FAM120A: variants seen among roughly 807,000 people sequenced by gnomAD.
FAM120A encodes the protein constitutive coactivator of PPAR-gamma-like protein 1.
Under a neutral mutation model 109.7 loss-of-function variants are expected in FAM120A, and 15 were observed. That is an observed-to-expected ratio of 0.14 (90% CI 0.09 to 0.21). The LOEUF (loss-of-function observed/expected upper bound fraction) is 0.21, where lower values mean the gene tolerates loss of function less well. Among genes scored for constraint, FAM120A ranks in the 10% least tolerant of loss-of-function variants. The pLI is 1.00. For synonymous variants in FAM120A, 493 were observed against 572.8 expected, an observed-to-expected ratio of 0.86 and a Z score of 1.99; for missense variants, 899 against 1,439.3, an observed-to-expected ratio of 0.62 and a Z score of 6.07.
At chr9:93,471,042 A>G (rs1166607713) in intron 1 of FAM120A, 99 bp from the exon 2 acceptor site, 3 of 1,422,428 alleles carry the variant, frequency 2.1e-6, no homozygotes, top group Non-Finnish European at 2.9e-6. Flanking sequence ...TAGTTTTCAT[A>G]AATGTGATTT....
At chr9:93,562,626 A>T (rs1445863990) in intron 17 of FAM120A, among the ~76,000 whole-genome samples, 1 of 150,790 alleles carries the variant, frequency 6.6e-6, no homozygotes, top group Non-Finnish European at 1.5e-5. Context: ...GAGCTGGAAC[A>T]GCCACTTGTA....
At chr9:93,514,172 A>G (rs1388368655) in intron 5 of FAM120A, among the ~76,000 whole-genome samples, 2 of 152,318 alleles carry the variant, frequency 1.3e-5, no homozygotes, top group African/African-American at 4.8e-5. Flanking sequence ...TGTCGAGTGA[A>G]GGGGGAAGAG....
At chr9:93,467,466 G>C (rs1413325149) in intron 1 of FAM120A, among the ~76,000 whole-genome samples, 1 of 152,110 alleles carries the variant, frequency 6.6e-6, no homozygotes, top group African/African-American at 2.4e-5. Context: ...TGTTGGGGAG[G>C]TTGTCCTGGC....
chr9:93,528,099 G>C (rs569218047), intron 8 of FAM120A, among the ~76,000 whole-genome samples: 2 of 152,168 alleles, frequency 1.3e-5, no homozygotes, highest in Non-Finnish European at 2.9e-5. Flanking sequence ...GTCTAAAGAA[G>C]TCATACTATT....
At chr9:93,469,247 A>G (rs887862819) in intron 1 of FAM120A, among the ~76,000 whole-genome samples, 11 of 152,162 alleles carry the variant, frequency 7.2e-5, no homozygotes, top group African/African-American at 2.7e-4. Flanking sequence ...CTCCCTGCTG[A>G]TGGAGGTGGG....
At chr9:93,553,562 G>A (rs947073639) in intron 12 of FAM120A, among the ~76,000 whole-genome samples, 3 of 152,186 alleles carry the variant, frequency 2.0e-5, no homozygotes, top group African/African-American at 7.2e-5. Flanking sequence ...TTCCATATTT[G>A]TATTTCTTAT....
Position 93,471,325 on chromosome 9 carries a change from A to G in FAM120A, c.659A>G (p.His220Arg), listed in dbSNP as rs374461142. The change falls in exon 2 of 18, where the codon CAT becomes CGT. Residue 220 changes from histidine (H) to arginine (R), a missense_variant. Physicochemically the swap from His to Arg is conservative, Grantham distance 29. Around this residue, in one of 11 missense-constraint regions of FAM120A, gnomAD observed 258 missense variants for 451.4 expected, o/e 0.57. Transcript: ENST00000277165. Reference sequence around the variant, plus strand: ...CTCACCACAAGCCAATATCTGATGCATGAAGTTGCCAAGCAACTGGACCTG... The same window carrying G: ...CTCACCACAAGCCAATATCTGATGCGTGAAGTTGCCAAGCAACTGGACCTG... ...KSLTTSQYLM[H>R]EVAKQLDLNP... 4.0e-5 allele frequency: 65 copies of G among 1,614,110 alleles called. No individual in the cohort carries two copies. The highest frequency in any genetic ancestry group is 4.7e-5 in the Non-Finnish European group (56 of 1,180,038).
intron 5 of FAM120A, among the ~76,000 whole-genome samples, chr9:93,515,088 T>C (rs1158290879): frequency 1.4e-5 from 2 of 145,272 alleles, no homozygotes; most frequent in African/African-American, 4.9e-5. Context: ...AAATTACTCA[T>C]CCTGTATATG....
At position 93,557,898 on chromosome 9, in the gene FAM120A, C is replaced by G; in HGVS notation, c.2556C>G (p.Ser852Arg). 2 of 1,612,810 alleles carry G rather than the reference C, an allele frequency of 1.2e-6. No individual in the cohort carries two copies. The highest frequency in any genetic ancestry group is 1.7e-6 in the Non-Finnish European group (2 of 1,180,022). The stretch of plus-strand genomic sequence containing the variant: ...AGGGGCTCAGCTTCTCCAGGCAGAG[C>G]CACACGCTCCCTTTCCCGCCGCCAC... ...VLEGLSFSRQSHTLPFPPPPA... is the reference protein window; with the variant it reads ...VLEGLSFSRQRHTLPFPPPPA... The change falls in exon 14 of 18, where the codon AGC becomes AGG. Residue 852 changes from serine to arginine, a missense_variant. By Grantham distance (110) the Ser-to-Arg change is moderately radical (BLOSUM62 -1). This residue lies in a region of FAM120A where 129 missense variants were observed against 153.4 expected (regional missense o/e 0.84). Coordinates refer to ENST00000277165, the MANE Select transcript of FAM120A (RefSeq NM_014612.5).
chr9:93,509,648 G>A (rs193163782), intron 5 of FAM120A, among the ~76,000 whole-genome samples: 330 of 152,092 alleles, frequency 2.2e-3, no homozygotes, highest in African/African-American at 7.7e-3. Flanking sequence ...TCCTCACTTT[G>A]TCCTGTAGCT....
intron 3 of FAM120A, among the ~76,000 whole-genome samples, chr9:93,479,122 G>A (rs1439400228): frequency 7.5e-6 from 1 of 133,454 alleles, no homozygotes; most frequent in Non-Finnish European, 1.5e-5. Flanking sequence ...TTTTTGAGAC[G>A]GAGTCTCGCT....
intron 10 of FAM120A, among the ~76,000 whole-genome samples, chr9:93,535,712 T>TTTATGTCAGTGATATATCCATGA (rs1861490455): frequency 6.6e-6 from 1 of 152,206 alleles, no homozygotes; most frequent in African/African-American, 2.4e-5. Flanking sequence ...AAAAAAGTTT[T>TTTATGTCAGTGATATATCCATGA]TTATGTCAGT....
chr9:93,454,728 A>G (rs946468613), intron 1 of FAM120A, among the ~76,000 whole-genome samples: 3 of 152,224 alleles, frequency 2.0e-5, no homozygotes, highest in African/African-American at 7.2e-5. Flanking sequence ...TTCTATAAGG[A>G]TGATTTTGAG....
chr9:93,564,486 C>T lies in FAM120A; in HGVS notation c.3303C>T (p.Ser1101=), dbSNP rs1210024095. ...NPHLNALSTD[S]ACRREAALEA... ...ATTTAAATGCACTAAGTACAGACAG[C>T]GCTTGCCGCAGAGAAGCTGCTCTGG... The change falls in exon 18 of 18, where the codon AGC becomes AGT. Residue 1101 remains serine, a synonymous_variant. Coordinates refer to ENST00000277165, the MANE Select transcript of FAM120A (RefSeq NM_014612.5). 3.1e-6 allele frequency: 5 copies of T among 1,613,780 alleles called. No individual in the cohort carries two copies. Among genetic ancestry groups the T allele is most frequent in the African/African-American group, 1.3e-5 (1 of 75,050 alleles).
At chr9:93,483,837 TGC>T (rs1858923601) in intron 3 of FAM120A, among the ~76,000 whole-genome samples, 1 of 152,248 alleles carries the variant, frequency 6.6e-6, no homozygotes, top group African/African-American at 2.4e-5. Flanking sequence ...ATTTGTTATT[TGC>T]TCCTTTTAAT....
At chr9:93,485,607 TAAAA>T (rs1859009346) in intron 3 of FAM120A, among the ~76,000 whole-genome samples, 1 of 151,940 alleles carries the variant, frequency 6.6e-6, no homozygotes, top group Non-Finnish European at 1.5e-5. Flanking sequence ...CCACAAAAAA[TAAAA>T]AGAAGCAGAG....
chr9:93,485,128 C>T (rs942932359), intron 3 of FAM120A, among the ~76,000 whole-genome samples: 1 of 152,164 alleles, frequency 6.6e-6, no homozygotes, highest in African/African-American at 2.4e-5. Flanking sequence ...CCCCTCCACT[C>T]ATGGCAGATC....
rs1861360400 is a variant in FAM120A, at chr9:93,532,348, C to T, written c.1909+19C>T. On this transcript the variant is annotated intron_variant, in intron 10 of 17. Coordinates refer to ENST00000277165, the MANE Select transcript of FAM120A (RefSeq NM_014612.5). This position sits in a 1 kb window ranked among gnomAD's most constrained non-coding sequence, Gnocchi z 4.3. ...CCAGAATGTATGTACTGTAACAATC[C>T]ATTGTTTGTTTTCCTCGGTACCTCG... 1 of 1,612,630 alleles carries T rather than the reference C, an allele frequency of 6.2e-7. No individual in the cohort carries two copies. The highest frequency in any genetic ancestry group is 8.5e-7 in the Non-Finnish European group (1 of 1,178,694).
At chr9:93,501,327 G>A (rs962675627) in intron 5 of FAM120A, among the ~76,000 whole-genome samples, 1 of 152,192 alleles carries the variant, frequency 6.6e-6, no homozygotes, top group Non-Finnish European at 1.5e-5. Flanking sequence ...GTTTTGAATA[G>A]GCAAGGTGAG....
Sources: gnomAD v4.1 joint callset for allele counts (sites outside exome capture counted in the v4.1 genomes callset) on GRCh38, gnomAD v4.1.1 for gene constraint, gnomAD v4.1.1 regional missense constraint, Gnocchi (gnomAD v3.1) non-coding constraint, MANE v1.5 for transcripts, NCBI Gene and HGNC (gene_info 2026-07-23, HGNC 2026-07-21) for gene names.